Variants in DNMT3B observed in about 807,000 individuals in gnomAD.
The protein encoded by DNMT3B is DNA methyltransferase 3 beta, also known as DNA (cytosine-5)-methyltransferase 3B.
DNMT3B carries 37 observed loss-of-function variants against 120.2 expected under a neutral mutation model. That is an observed-to-expected ratio of 0.31 (90% CI 0.24 to 0.40). DNMT3B has a LOEUF of 0.40. DNMT3B is among the 10% of genes least tolerant of loss of function. DNMT3B has a pLI of 1.00. For synonymous variants in DNMT3B, 412 were observed against 442.8 expected, an observed-to-expected ratio of 0.93 and a Z score of 0.87; for missense variants, 878 against 1,137.3, an observed-to-expected ratio of 0.77 and a Z score of 3.28.
intron 5 of DNMT3B, 114 bp from the exon 6 acceptor site, chr20:32,787,116 T>G: frequency 7.7e-7 from 1 of 1,296,006 alleles, no homozygotes. Context: ...TCTGTTCTCT[T>G]TAACTTCAGT....
chr20:32,768,589 A>T (rs112931675), intron 1 of DNMT3B, among the ~76,000 whole-genome samples: 4 of 152,136 alleles, frequency 2.6e-5, no homozygotes, highest in African/African-American at 7.2e-5. Context: ...CTGGGATTAC[A>T]GGTGTGAGCC....
chr20:32,775,806 C>T (rs894130398), intron 1 of DNMT3B, among the ~76,000 whole-genome samples: 8 of 152,270 alleles, frequency 5.3e-5, no homozygotes, highest in East Asian at 3.8e-4. Flanking sequence ...GTCTCAGTTA[C>T]GGCAATTCCA....
chr20:32,795,630 C>T lies in DNMT3B; in HGVS notation c.1253-20C>T. The T allele has an allele frequency of 1.2e-6, 2 of 1,614,180 alleles. No individual in the cohort carries two copies. The highest frequency in any genetic ancestry group is 1.7e-6 in the Non-Finnish European group (2 of 1,180,036). On this transcript the variant is annotated intron_variant, in intron 11 of 22. Coordinates refer to ENST00000328111, the MANE Select transcript of DNMT3B (RefSeq NM_006892.4). Reference sequence around the variant, plus strand: ...CCCGGCTCCCTGACCTCATCTCATGCCTTCTTCTTTTCTCAATAGAACAAA... The same window carrying T: ...CCCGGCTCCCTGACCTCATCTCATGTCTTCTTCTTTTCTCAATAGAACAAA...
chr20:32,805,400 T>C lies in DNMT3B; in HGVS notation c.2294T>C (p.Ile765Thr). ...ELQDCLEYNR[I>T]AKLKKVQTIT... The stretch of plus-strand genomic sequence containing the variant: ...CAGGACTGCTTGGAATACAATAGGA[T>C]AGCCAAGGTAAGACGAGCTGTGGCC... The change falls in exon 21 of 23, where the codon ATA (isoleucine) becomes ACA (threonine). Residue 765 changes from isoleucine to threonine, a missense_variant. By Grantham distance (89) the Ile-to-Thr change is moderately conservative. Around this residue, in one of 4 missense-constraint regions of DNMT3B, gnomAD observed 334 missense variants for 518.8 expected, o/e 0.64. Transcript: ENST00000328111. The C allele has an allele frequency of 6.2e-7, 1 of 1,613,946 alleles. No individual in the cohort carries two copies. Among genetic ancestry groups the C allele is most frequent in the South Asian group, 1.1e-5 (1 of 91,072 alleles).
chr20:32,776,678 A>G (rs531690771), intron 1 of DNMT3B, among the ~76,000 whole-genome samples: 1 of 152,344 alleles, frequency 6.6e-6, no homozygotes, highest in African/African-American at 2.4e-5. Context: ...ATGAGTTAAG[A>G]TAAGTAAAGC....
At position 32,765,750 on chromosome 20, in the gene DNMT3B, C is replaced by CTTTTTTTTTTTTTTTTTTTTTTTTTT. The variant is rs1208508674; in HGVS notation, c.-7+3058_-7+3059insTTTTTTTTTTTTTTTTTTTTTTTTTT. Among the ~76,000 whole-genome samples, 7 of 108,440 alleles carry CTTTTTTTTTTTTTTTTTTTTTTTTTT rather than the reference C, an allele frequency of 6.5e-5. 1 individual carries two copies. Among genetic ancestry groups the CTTTTTTTTTTTTTTTTTTTTTTTTTT allele is most frequent in the East Asian group, 3.2e-4 (1 of 3,122 alleles). 71.1% of individuals were successfully genotyped at this position (108,440 alleles called of 152,430 possible). ...TTATTTATTTATTTATTTATTTTTTCTTTTTTTCTTTTTTTTTTTTTTTGA... is the reference window on the plus strand; with the variant it reads ...TTATTTATTTATTTATTTATTTTTTCTTTTTTTTTTTTTTTTTTTTTTTTTTTTTTTTTCTTTTTTTTTTTTTTTGA... On this transcript the variant is annotated intron_variant, in intron 1 of 22. Transcript: ENST00000328111.
intron 1 of DNMT3B, among the ~76,000 whole-genome samples, chr20:32,776,999 T>G (rs1344350031): frequency 1.3e-5 from 2 of 152,184 alleles, no homozygotes; most frequent in African/African-American, 4.8e-5. Flanking sequence ...GAAGTTGGTG[T>G]GCGCTGTCTA....
intron 8 of DNMT3B, among the ~76,000 whole-genome samples, chr20:32,791,953 G>T (rs1307817449): frequency 6.6e-6 from 1 of 152,216 alleles, no homozygotes; most frequent in Non-Finnish European, 1.5e-5. Context: ...CGGGCAGTTA[G>T]GGGTGCAATA....
intron 1 of DNMT3B, among the ~76,000 whole-genome samples, chr20:32,767,590 G>A (rs1451338992): frequency 2.0e-5 from 3 of 152,004 alleles, no homozygotes; most frequent in Non-Finnish European, 2.9e-5. Context: ...GTGCCACCAC[G>A]CCCATCTAAT....
chr20:32,789,037 T>TTC, intron 7 of DNMT3B, 25 bp downstream of exon 7: 1 of 1,612,774 alleles, frequency 6.2e-7, no homozygotes, highest in Admixed American at 1.7e-5. Context: ...GGGCAAGGGG[T>TTC]TCTGCAGGCC....
intron 1 of DNMT3B, among the ~76,000 whole-genome samples, chr20:32,765,557 A>T (rs1269117085): frequency 2.0e-5 from 3 of 147,744 alleles, no homozygotes; most frequent in Non-Finnish European, 3.0e-5. Flanking sequence ...AGTAGCTGGG[A>T]TTACATGCGC....
intron 1 of DNMT3B, among the ~76,000 whole-genome samples, chr20:32,774,914 G>C (rs1987993189): frequency 6.6e-6 from 1 of 152,090 alleles, no homozygotes; most frequent in South Asian, 2.1e-4. Context: ...GTAGAGACTG[G>C]TTACACCATG....
At chr20:32,785,016 C>G (rs1979097925) in intron 4 of DNMT3B, among the ~76,000 whole-genome samples, 157 bp downstream of exon 4, 1 of 149,392 alleles carries the variant, frequency 6.7e-6, no homozygotes, top group Non-Finnish European at 1.5e-5. Context: ...GGCTCTTGGA[C>G]TATTGTTGGA....
At position 32,781,282 on chromosome 20, in the gene DNMT3B, C is replaced by T. The variant is rs1021801664; in HGVS notation, c.143-71C>T. On this transcript the variant is annotated intron_variant, in intron 2 of 22. Transcript: ENST00000328111. ...CAGGCCACGCCACGGAGAAAAGCCC[C>T]TATTAGCAAGGCCGTTCCCCAGACT... The T allele has an allele frequency of 4.4e-5, 69 of 1,555,648 alleles. No individual in the cohort carries two copies. The African/African-American group carries it at 5.8e-4, about 13-fold the overall frequency.
chr20:32,772,972 A>G (rs1489100537), intron 1 of DNMT3B, among the ~76,000 whole-genome samples: 2 of 148,196 alleles, frequency 1.3e-5, no homozygotes, highest in African/African-American at 5.0e-5. Context: ...GGCATGTGCC[A>G]CCACCCCGGC....
intron 20 of DNMT3B, among the ~76,000 whole-genome samples, chr20:32,805,055 G>T (rs1981813566): frequency 6.6e-6 from 1 of 152,126 alleles, no homozygotes; most frequent in African/African-American, 2.4e-5. Flanking sequence ...GGGACCTGAG[G>T]TTTCTCCTGC....
intron 1 of DNMT3B, among the ~76,000 whole-genome samples, chr20:32,776,781 G>A (rs1988092428): frequency 2.6e-5 from 4 of 152,206 alleles, no homozygotes; most frequent in Non-Finnish European, 4.4e-5. Context: ...GAAAGGCCTA[G>A]GAGAGAAGCT....
chr20:32,802,278 C>A (rs1981436955), intron 19 of DNMT3B, 107 bp from the exon 20 acceptor site: 1 of 1,192,670 alleles, frequency 8.4e-7, no homozygotes, highest in Non-Finnish European at 1.3e-6. Context: ...TTTGGAGGAT[C>A]CGTGCCTCAT....
chr20:32,784,195 G>A (rs1002489308), intron 3 of DNMT3B, among the ~76,000 whole-genome samples: 1 of 152,198 alleles, frequency 6.6e-6, no homozygotes, highest in African/African-American at 2.4e-5. Flanking sequence ...GGGATTACAC[G>A]CCTGGCCTAA....
Sources: allele counts gnomAD v4.1 joint callset (sites outside exome capture counted in the v4.1 genomes callset), GRCh38; gene constraint gnomAD v4.1.1; regional missense constraint gnomAD v4.1.1; transcripts MANE v1.5; gene names NCBI Gene and HGNC (gene_info 2026-07-23, HGNC 2026-07-21).